The following BMERB1 variants were observed in gnomAD, a reference collection of about 807,000 sequenced individuals.
The protein encoded by BMERB1 is bMERB domain containing 1.
In BMERB1, 12 loss-of-function variants were observed where a neutral mutation model predicts 23.6. The ratio of observed to expected loss-of-function variants is 0.51; its 90% CI spans 0.33 to 0.82. The LOEUF (loss-of-function observed/expected upper bound fraction) is 0.82, where lower values mean the gene tolerates loss of function less well. Among genes scored for constraint, BMERB1 ranks in the 40% least tolerant of loss-of-function variants. BMERB1 has a pLI of 0.03. For synonymous variants in BMERB1, 122 were observed against 96.6 expected (o/e 1.26, Z -1.54); for missense variants, 247 against 255.4 (o/e 0.97, Z 0.22).
intron 2 of BMERB1, among the ~76,000 whole-genome samples, chr16:15,562,225 C>T (rs1340820329): frequency 6.6e-6 from 1 of 151,310 alleles, no homozygotes; most frequent in African/African-American, 2.4e-5. Context: ...ATCACTTGAA[C>T]CCGGGAGGCA....
intron 1 of BMERB1, among the ~76,000 whole-genome samples, chr16:15,437,796 G>A (rs2050901093): frequency 1.3e-5 from 2 of 151,938 alleles, no homozygotes; most frequent in Admixed American, 1.3e-4. Context: ...ATCTATACTA[G>A]AAATACAAAA....
chr16:15,521,954 C>G (rs1419300666), intron 2 of BMERB1, among the ~76,000 whole-genome samples: 1 of 152,170 alleles, frequency 6.6e-6, no homozygotes, highest in Non-Finnish European at 1.5e-5. Flanking sequence ...GACTCATTTT[C>G]TCGCCTTCCT....
chr16:15,461,347 G>A (rs1437602196), intron 1 of BMERB1, among the ~76,000 whole-genome samples: 2 of 152,054 alleles, frequency 1.3e-5, no homozygotes, highest in African/African-American at 2.4e-5. Context: ...GGACCAAAAA[G>A]CAATTCGTTA....
intron 2 of BMERB1, among the ~76,000 whole-genome samples, chr16:15,526,327 C>G (rs1372124585): frequency 2.0e-5 from 3 of 152,032 alleles, no homozygotes; most frequent in South Asian, 2.1e-4. Flanking sequence ...GAAAGCATCT[C>G]AAAAACAAGA....
At chr16:15,582,647 A>T (rs1046608746) in intron 4 of BMERB1, among the ~76,000 whole-genome samples, 1 of 151,600 alleles carries the variant, frequency 6.6e-6, no homozygotes, top group East Asian at 1.9e-4. Context: ...TGAGCCCAGG[A>T]GTTCAAGGCT....
At chr16:15,456,625 CA>C (rs1164211873) in intron 1 of BMERB1, among the ~76,000 whole-genome samples, 1 of 151,470 alleles carries the variant, frequency 6.6e-6, no homozygotes, top group Non-Finnish European at 1.5e-5. Context: ...CTGCATCAGC[CA>C]AAAAAAGTAT....
At chr16:15,523,472 A>G (rs531056238) in intron 2 of BMERB1, among the ~76,000 whole-genome samples, 1 of 152,244 alleles carries the variant, frequency 6.6e-6, no homozygotes, top group Admixed American at 6.5e-5. Flanking sequence ...TCCTCTACCC[A>G]GCACTTCCCT....
intron 5 of BMERB1, among the ~76,000 whole-genome samples, chr16:15,584,608 G>A (rs1424642994): frequency 6.6e-6 from 1 of 151,664 alleles, no homozygotes; most frequent in Non-Finnish European, 1.5e-5. Flanking sequence ...AATTCAAACT[G>A]GTCTAAGCAA....
At chr16:15,555,105 A>G (rs967529894) in intron 2 of BMERB1, among the ~76,000 whole-genome samples, 2 of 152,160 alleles carry the variant, frequency 1.3e-5, no homozygotes, top group Non-Finnish European at 2.9e-5. Context: ...TCAAAAGTCA[A>G]TCCTTGCCTC....
rs538339196 is a variant in BMERB1, at chr16:15,480,687, C to T, written c.107-34618C>T. On this transcript the variant is annotated intron_variant, in intron 1 of 5. Coordinates refer to ENST00000300006, the MANE Select transcript of BMERB1 (RefSeq NM_033201.3). ...GGAGTGCAGTGGCACGATCTCGGCT[C>T]ACTGTAACCTCCGTCTCCCAGGTTC... is the stretch of plus-strand genomic sequence containing the variant. Among the ~76,000 whole-genome samples the T allele has an allele frequency of 2.2e-4, 31 of 139,520 alleles. 1 individual carries two copies. The South Asian group carries it at 7.0e-3, about 32-fold the overall frequency. The allele number at this position is 139,520 out of a possible 152,430, so 91.5% of individuals were successfully genotyped here.
At chr16:15,450,196 T>C (rs1324502014) in intron 1 of BMERB1, among the ~76,000 whole-genome samples, 1 of 152,184 alleles carries the variant, frequency 6.6e-6, no homozygotes, top group Non-Finnish European at 1.5e-5. Context: ...TGAATGGATG[T>C]GGCTATGTTT....
intron 2 of BMERB1, among the ~76,000 whole-genome samples, chr16:15,562,835 C>T (rs1053958513): frequency 2.0e-5 from 3 of 152,322 alleles, no homozygotes; most frequent in African/African-American, 7.2e-5. Context: ...AGTCCACGCT[C>T]ATTCGAGGCA....
chr16:15,526,565 G>T (rs2051906795), intron 2 of BMERB1, among the ~76,000 whole-genome samples: 1 of 150,566 alleles, frequency 6.6e-6, no homozygotes, highest in Admixed American at 6.6e-5. Context: ...TCGGGAGGCT[G>T]AGGCAGGAGA....
intron 3 of BMERB1, among the ~76,000 whole-genome samples, chr16:15,577,607 G>C (rs574945153): frequency 6.6e-6 from 1 of 152,232 alleles, no homozygotes; most frequent in African/African-American, 2.4e-5. Flanking sequence ...CAAGTGCACC[G>C]CTTGACCTTT....
At chr16:15,491,840 C>T (rs993660532) in intron 1 of BMERB1, among the ~76,000 whole-genome samples, 2 of 152,144 alleles carry the variant, frequency 1.3e-5, no homozygotes, top group South Asian at 2.1e-4. Flanking sequence ...GAGGAGTCCC[C>T]GGGATCAATC....
chr16:15,486,228 T>C (rs972818671), intron 1 of BMERB1, among the ~76,000 whole-genome samples: 4 of 149,266 alleles, frequency 2.7e-5, no homozygotes, highest in African/African-American at 4.9e-5. Flanking sequence ...AGCCAGGTTG[T>C]TTTGCTCTTA....
At chr16:15,551,695 G>A (rs1022654541) in intron 2 of BMERB1, among the ~76,000 whole-genome samples, 5 of 152,182 alleles carry the variant, frequency 3.3e-5, no homozygotes, top group Admixed American at 2.0e-4. Flanking sequence ...GATACTACCC[G>A]AGACTGGGTC....
chr16:15,587,788 A>G lies in BMERB1; in HGVS notation c.*959A>G. ...GGGTGGCATATGTTAACTAGCTGCCAAACAACTTCAACCCGTGTAATTCAT... is the reference window on the plus strand; with the variant it reads ...GGGTGGCATATGTTAACTAGCTGCCGAACAACTTCAACCCGTGTAATTCAT... On this transcript the variant is annotated 3_prime_UTR_variant, in exon 6 of 6. Coordinates refer to ENST00000300006, the MANE Select transcript of BMERB1 (RefSeq NM_033201.3). The G allele has an allele frequency of 3.6e-6, 1 of 277,338 alleles. No individual in the cohort carries two copies. Among genetic ancestry groups the G allele is most frequent in the Non-Finnish European group, 7.4e-6 (1 of 134,398 alleles). 17.2% of individuals were successfully genotyped at this position (277,338 alleles called of 1,614,324 possible).
intron 2 of BMERB1, among the ~76,000 whole-genome samples, chr16:15,526,312 A>T (rs1405317742): frequency 6.6e-6 from 1 of 152,184 alleles, no homozygotes; most frequent in African/African-American, 2.4e-5. Context: ...AACAGGTATG[A>T]ACATGAAAGC....
Sources: allele counts gnomAD v4.1 joint callset (sites outside exome capture counted in the v4.1 genomes callset), GRCh38; gene constraint gnomAD v4.1.1; transcripts MANE v1.5; gene names NCBI Gene and HGNC (gene_info 2026-07-23, HGNC 2026-07-21).